The following PCDHGA1 variants were observed in gnomAD, a reference collection of about 807,000 sequenced individuals.
PCDHGA1 encodes the protein protocadherin gamma subfamily A, 1.
In PCDHGA1, 32 loss-of-function variants were observed where a neutral mutation model predicts 58.0. That is an observed-to-expected ratio of 0.55 (90% CI 0.42 to 0.74). PCDHGA1 has a LOEUF of 0.74. Among genes scored for constraint, PCDHGA1 ranks in the 30% least tolerant of loss-of-function variants. The probability of loss-of-function intolerance (pLI) is 0.00; values close to 1 mark genes in which losing one functional copy is unlikely to be tolerated. For synonymous variants in PCDHGA1, 498 were observed against 501.1 expected, an observed-to-expected ratio of 0.99 and a Z score of 0.08; for missense variants, 1,205 against 1,182.3, an observed-to-expected ratio of 1.02 and a Z score of -0.28.
chr5:141,409,857 T>C (rs761331515), intron 1 of PCDHGA1: 2 of 1,612,228 alleles, frequency 1.2e-6, no homozygotes, highest in African/African-American at 2.7e-5. Context: ...CGCGTGTTGG[T>C]GGGAGACCGC....
chr5:141,352,225 G>C (rs1169707828), intron 1 of PCDHGA1: 1 of 1,614,064 alleles, frequency 6.2e-7, no homozygotes, highest in South Asian at 1.1e-5. Context: ...CCACCGCCAC[G>C]CTGCACCTAA....
chr5:141,501,442 T>C (rs1202229661), intron 2 of PCDHGA1, among the ~76,000 whole-genome samples: 1 of 152,016 alleles, frequency 6.6e-6, no homozygotes, highest in African/African-American at 2.4e-5. Context: ...ATTTCTTCCA[T>C]TTTTACTTTT....
intron 1 of PCDHGA1, among the ~76,000 whole-genome samples, chr5:141,353,443 A>G (rs141154137): frequency 9.2e-5 from 14 of 152,304 alleles, no homozygotes; most frequent in African/African-American, 2.9e-4. Flanking sequence ...TTGCAGCAAC[A>G]TGTATGTTTA....
intron 1 of PCDHGA1, chr5:141,375,778 C>T (rs772854971): frequency 1.9e-6 from 3 of 1,614,242 alleles, no homozygotes; most frequent in South Asian, 2.2e-5. Flanking sequence ...TCCTGTACCC[C>T]GCCCTCCCCA....
chr5:141,413,442 C>T, intron 1 of PCDHGA1: 5 of 1,614,090 alleles, frequency 3.1e-6, no homozygotes, highest in Non-Finnish European at 8.5e-7. Flanking sequence ...GCAGCTTGAT[C>T]ACCGCGGGCA....
intron 1 of PCDHGA1, chr5:141,400,533 C>A (rs1416453682): frequency 6.2e-7 from 1 of 1,613,900 alleles, no homozygotes; most frequent in Non-Finnish European, 8.5e-7. Context: ...TGGTGAGTTT[C>A]ATTTATGTCT....
At chr5:141,500,866 A>G (rs576713520) in intron 2 of PCDHGA1, among the ~76,000 whole-genome samples, 19 of 146,112 alleles carry the variant, frequency 1.3e-4, no homozygotes, top group South Asian at 4.3e-4. Context: ...AAACATACAC[A>G]TTCATTTACA....
chr5:141,489,636 C>T lies in PCDHGA1; in HGVS notation c.2422-5171C>T. On this transcript the variant is annotated intron_variant, in intron 1 of 3. Coordinates refer to ENST00000517417, the MANE Select transcript of PCDHGA1 (RefSeq NM_018912.3). The surrounding 1 kb of genome is among the most constrained non-coding windows in gnomAD (Gnocchi z 4.5). ...TGGATCTCAATGACAACTCTCCTAG[C>T]TTTGCCACCCCTGAGCGAGAGATGC... 1.2e-6 allele frequency: 2 copies of T among 1,614,190 alleles called. No homozygotes were observed. The highest frequency in any genetic ancestry group is 1.7e-6 in the Non-Finnish European group (2 of 1,180,030).
chr5:141,356,878 C>T (rs1234761441), intron 1 of PCDHGA1: 1 of 1,614,224 alleles, frequency 6.2e-7, no homozygotes, highest in African/African-American at 1.3e-5. Context: ...CGACAATGTC[C>T]CTGAGATCCT....
At chr5:141,357,222 C>G in intron 1 of PCDHGA1, 1 of 1,613,872 alleles carries the variant, frequency 6.2e-7, no homozygotes, top group Non-Finnish European at 8.5e-7. Context: ...TCCTGGCTGA[C>G]TTGGGCAGCC....
intron 2 of PCDHGA1, among the ~76,000 whole-genome samples, chr5:141,495,377 G>A (rs558501090): frequency 1.9e-4 from 29 of 152,330 alleles, no homozygotes; most frequent in Admixed American, 6.5e-4. Flanking sequence ...ACTGAGGAAG[G>A]ACTGGGCGGG....
chr5:141,381,798 CTCTTTCTTTCTT>C (rs372235829), intron 1 of PCDHGA1, among the ~76,000 whole-genome samples: 1 of 144,134 alleles, frequency 6.9e-6, no homozygotes, highest in Non-Finnish European at 1.5e-5. Flanking sequence ...AGGCAATTCC[CTCTTTCTTTCTT>C]TCTTTCTTTC....
At chr5:141,381,496 A>G (rs139374379) in intron 1 of PCDHGA1, among the ~76,000 whole-genome samples, 67 of 152,346 alleles carry the variant, frequency 4.4e-4, no homozygotes, top group African/African-American at 1.4e-3. Flanking sequence ...TCTCAATTAC[A>G]CTAGAATAGA....
intron 1 of PCDHGA1, among the ~76,000 whole-genome samples, chr5:141,472,400 G>A (rs2099279115): frequency 6.6e-6 from 1 of 152,024 alleles, no homozygotes; most frequent in East Asian, 1.9e-4. Flanking sequence ...AATTAGCCAG[G>A]CGTGGTGGCA....
intron 2 of PCDHGA1, among the ~76,000 whole-genome samples, chr5:141,503,423 C>T (rs1018496430): frequency 6.6e-6 from 1 of 151,752 alleles, no homozygotes; most frequent in Non-Finnish European, 1.5e-5. Context: ...GGTGAAACCC[C>T]ATCTCTACTA....
chr5:141,404,407 T>C, intron 1 of PCDHGA1: 1 of 1,613,944 alleles, frequency 6.2e-7, no homozygotes, highest in East Asian at 2.2e-5. Flanking sequence ...ATGAGAATTC[T>C]AGAGTTATTT....
chr5:141,460,924 A>ATG (rs1333352687), intron 1 of PCDHGA1, among the ~76,000 whole-genome samples: 26 of 150,590 alleles, frequency 1.7e-4, no homozygotes, highest in South Asian at 6.3e-4. Flanking sequence ...ATATATATAT[A>ATG]TGTGTGTGTG....
At chr5:141,352,616 T>C (rs1287567761) in intron 1 of PCDHGA1, 6 of 1,613,192 alleles carry the variant, frequency 3.7e-6, no homozygotes, top group Non-Finnish European at 5.1e-6. Flanking sequence ...TATGGTTGTA[T>C]GTGCCAGTAA....
intron 1 of PCDHGA1, chr5:141,414,464 A>G (rs1331771342): frequency 1.2e-6 from 2 of 1,613,904 alleles, no homozygotes; most frequent in African/African-American, 1.3e-5. Context: ...ACAGCCACAG[A>G]TGGGGGAAGT....
Sources: allele counts gnomAD v4.1 joint callset (sites outside exome capture counted in the v4.1 genomes callset), GRCh38; gene constraint gnomAD v4.1.1; non-coding constraint Gnocchi (gnomAD v3.1); transcripts MANE v1.5; gene names NCBI Gene and HGNC (gene_info 2026-07-23, HGNC 2026-07-21).